The following ABCB5 variants were observed in gnomAD, a reference collection of about 807,000 sequenced individuals.
ABCB5 encodes the protein ATP-binding cassette sub-family B member 5.
ABCB5 carries 155 observed loss-of-function variants against 144.2 expected under a neutral mutation model. That is an observed-to-expected ratio of 1.08 (90% CI 0.94 to 1.23). The LOEUF (loss-of-function observed/expected upper bound fraction) is 1.23, where lower values mean the gene tolerates loss of function less well. Ranked by LOEUF, ABCB5 falls within the 50% of genes most tolerant of loss-of-function variation. ABCB5 has a pLI of 0.00. For missense variants in ABCB5, 1,830 were observed against 1,520.8 expected, an observed-to-expected ratio of 1.20 and a Z score of -3.38; for synonymous variants, 610 against 528.6, an observed-to-expected ratio of 1.15 and a Z score of -2.11.
chr7:20,697,082 T>C (rs755854252), intron 16 of ABCB5, among the ~76,000 whole-genome samples: 2 of 152,212 alleles, frequency 1.3e-5, no homozygotes, highest in Non-Finnish European at 2.9e-5. Flanking sequence ...TTTAAATTTT[T>C]GTACATTCTT....
chr7:20,617,722 A>C (rs998418148), intron 1 of ABCB5, among the ~76,000 whole-genome samples: 2 of 152,204 alleles, frequency 1.3e-5, no homozygotes, highest in African/African-American at 4.8e-5. Flanking sequence ...TCAATAAGAG[A>C]ATCATTTTAG....
chr7:20,635,358 T>C (rs1486886169), intron 5 of ABCB5, among the ~76,000 whole-genome samples: 1 of 151,264 alleles, frequency 6.6e-6, no homozygotes, highest in Non-Finnish European at 1.5e-5. Context: ...CTTTGTTCTT[T>C]CTGCTTATAG....
intron 14 of ABCB5, among the ~76,000 whole-genome samples, chr7:20,674,743 A>G (rs1038774127): frequency 1.9e-4 from 25 of 129,756 alleles, no homozygotes; most frequent in African/African-American, 7.5e-4. Flanking sequence ...TGAAAACTCT[A>G]AAGACTACAC....
chr7:20,755,777 G>A lies in ABCB5; in HGVS notation c.*153G>A. On this transcript the variant is annotated 3_prime_UTR_variant, in exon 28 of 28. Transcript: ENST00000404938. ...TACATGTTCTATTCACACACCATCT[G>A]ACCTTCAGATTTTTAAAAGGAAGCA... 2.7e-6 allele frequency: 2 copies of A among 740,016 alleles called. No homozygotes were observed. The highest frequency in any genetic ancestry group is 4.2e-6 in the Non-Finnish European group (2 of 476,490). The allele number at this position is 740,016 out of a possible 1,614,324, so 45.8% of individuals were successfully genotyped here. A position where few individuals can be genotyped will look rare whatever the true frequency, so the allele number is the denominator to read the frequency against.
chr7:20,660,985 T>G (rs181824399), intron 14 of ABCB5, among the ~76,000 whole-genome samples: 22 of 152,328 alleles, frequency 1.4e-4, no homozygotes, highest in African/African-American at 5.3e-4. Flanking sequence ...GAATTCTAAC[T>G]AAACAGCAAC....
intron 5 of ABCB5, among the ~76,000 whole-genome samples, chr7:20,635,417 T>C (rs943948785): frequency 6.6e-6 from 1 of 151,832 alleles, no homozygotes; most frequent in African/African-American, 2.4e-5. Context: ...ATATGAATTT[T>C]AGGACTGTCT....
intron 14 of ABCB5, among the ~76,000 whole-genome samples, chr7:20,664,042 A>AAGAG (rs1358559409): frequency 1.4e-5 from 2 of 147,564 alleles, no homozygotes; most frequent in South Asian, 2.2e-4. Flanking sequence ...TTTTACCAAA[A>AAGAG]AGAGAGAGAG....
At chr7:20,746,155 C>T (rs1782715597) in intron 26 of ABCB5, among the ~76,000 whole-genome samples, 1 of 151,958 alleles carries the variant, frequency 6.6e-6, no homozygotes, top group Non-Finnish European at 1.5e-5. Flanking sequence ...GCTAGAGTTC[C>T]ATGGTGCAAT....
intron 16 of ABCB5, 63 bp from the exon 17 acceptor site, chr7:20,698,344 A>G: frequency 7.3e-7 from 1 of 1,378,760 alleles, no homozygotes; most frequent in Non-Finnish European, 9.8e-7. Flanking sequence ...ATGATGGGCT[A>G]ACTTCACTAG....
Position 20,733,866 on chromosome 7 carries a change from C to T in ABCB5, c.2868-5117C>T, listed in dbSNP as rs527273478. 9.2e-5 allele frequency among the ~76,000 whole-genome samples: 14 copies of T among 152,122 alleles called. 1 individual carries two copies. Among genetic ancestry groups the T allele is most frequent in the Admixed American group, 7.2e-4 (11 of 15,270 alleles). ...TGTTGGCCAGGCCGGTCTCAAACTC[C>T]GGACCTCAAGTGATCCACCTCCCTT... On this transcript the variant is annotated intron_variant, in intron 23 of 27. Transcript: ENST00000404938.
intron 14 of ABCB5, chr7:20,667,029 T>G (rs1785221340): frequency 1.7e-6 from 1 of 583,740 alleles, no homozygotes; most frequent in Non-Finnish European, 2.4e-6. Context: ...ACATGAATGA[T>G]CTAGTAGAGA....
At chr7:20,694,515 A>C (rs947960555) in intron 16 of ABCB5, among the ~76,000 whole-genome samples, 13 of 152,108 alleles carry the variant, frequency 8.5e-5, no homozygotes, top group Non-Finnish European at 1.6e-4. Context: ...ATCATACTAA[A>C]TGGTGAAAGA....
intron 23 of ABCB5, among the ~76,000 whole-genome samples, chr7:20,731,543 T>C (rs1186037395): frequency 6.6e-6 from 1 of 152,014 alleles, no homozygotes; most frequent in Non-Finnish European, 1.5e-5. Context: ...TCCTTCTGTA[T>C]ATTTCCAACT....
chr7:20,722,885 A>T, intron 20 of ABCB5, 131 bp from the exon 21 acceptor site: 2 of 678,778 alleles, frequency 2.9e-6, no homozygotes, highest in Non-Finnish European at 4.9e-6. Context: ...CAAAGTATAA[A>T]TTCAAGGCAT....
chr7:20,625,035 G>A (rs531711381), intron 2 of ABCB5, among the ~76,000 whole-genome samples: 2 of 152,350 alleles, frequency 1.3e-5, no homozygotes, highest in East Asian at 3.9e-4. Context: ...GTCAATCGGA[G>A]TTAGAAATTA....
At chr7:20,746,773 A>AACACATAT (rs1170641858) in intron 26 of ABCB5, among the ~76,000 whole-genome samples, 1 of 152,216 alleles carries the variant, frequency 6.6e-6, no homozygotes, top group Non-Finnish European at 1.5e-5. Context: ...GAGTGTTTGC[A>AACACATAT]ACACACATAC....
rs111507058 is a variant in ABCB5, at chr7:20,682,291, T to C, written c.1869+625T>C. On this transcript the variant is annotated intron_variant, in intron 15 of 27. Transcript: ENST00000404938. ...GAACACAAAGAAATATAACACACAG[T>C]CTTTACTTAAAGACTTAAAACTCAG... is the stretch of plus-strand genomic sequence containing the variant. Among the ~76,000 whole-genome samples, 480 of 152,262 alleles carry C rather than the reference T, an allele frequency of 3.2e-3. 4 individuals are homozygous for C. The highest frequency in any genetic ancestry group is 0.011 in the African/African-American group (453 of 41,560).
At chr7:20,624,834 A>T (rs886589404) in intron 2 of ABCB5, among the ~76,000 whole-genome samples, 1 of 152,342 alleles carries the variant, frequency 6.6e-6, no homozygotes, top group Non-Finnish European at 1.5e-5. Flanking sequence ...CGCACAATGG[A>T]ATCAGTTTCC....
At chr7:20,663,320 T>C (rs1360777135) in intron 14 of ABCB5, among the ~76,000 whole-genome samples, 1 of 152,214 alleles carries the variant, frequency 6.6e-6, no homozygotes, top group Non-Finnish European at 1.5e-5. Context: ...TCATCTACAG[T>C]AGCCAAAAGG....
Sources: gnomAD v4.1 joint callset for allele counts (sites outside exome capture counted in the v4.1 genomes callset) on GRCh38, gnomAD v4.1.1 for gene constraint, MANE v1.5 for transcripts, NCBI Gene and HGNC (gene_info 2026-07-23, HGNC 2026-07-21) for gene names.